ZNF2: variants seen among roughly 807,000 people sequenced by gnomAD.
ZNF2 encodes the protein zinc finger protein 2.
ZNF2 carries 12 observed loss-of-function variants against 21.9 expected under a neutral mutation model. The ratio of observed to expected loss-of-function variants is 0.55; its 90% confidence interval spans 0.35 to 0.89. The LOEUF (loss-of-function observed/expected upper bound fraction) is 0.89. Ranked by LOEUF, ZNF2 falls within the 40% of genes least tolerant of loss-of-function variation. The pLI is 0.01. For synonymous variants in ZNF2, 186 were observed against 196.3 expected, an observed-to-expected ratio of 0.95 and a Z score of 0.44; for missense variants, 462 against 544.2, an observed-to-expected ratio of 0.85 and a Z score of 1.50.
Position 95,172,577 on chromosome 2 carries a change from G to A in ZNF2, c.-39-3611G>A, listed in dbSNP as rs1387183265. The stretch of plus-strand genomic sequence containing the variant: ...TTTTTCCTTTTTCTATACATAATGT[G>A]CATGTACAAATATGTAATTTTAAAA... On this transcript the variant is annotated intron_variant, in intron 1 of 4. Transcript: ENST00000614034. Among the ~76,000 whole-genome samples the A allele has an allele frequency of 2.0e-5, 3 of 151,110 alleles. No individual in the cohort carries two copies. In the East Asian group the frequency reaches 5.8e-4, roughly 29 times the overall value.
At chr2:95,173,141 T>G (rs924824989) in intron 1 of ZNF2, among the ~76,000 whole-genome samples, 15 of 152,214 alleles carry the variant, frequency 9.9e-5, no homozygotes, top group African/African-American at 3.6e-4. Flanking sequence ...TTTATGTAAA[T>G]ATTATACAGT....
intron 1 of ZNF2, among the ~76,000 whole-genome samples, chr2:95,171,314 G>A (rs192925906): frequency 4.3e-4 from 65 of 151,476 alleles, no homozygotes; most frequent in Admixed American, 3.2e-3. Flanking sequence ...TAACCCGGGC[G>A]TCATCTTTGC....
rs1421662108 is a variant in ZNF2 at position 95,181,516 on chromosome 2, G to A, written c.688G>A (p.Glu230Lys). Residue 230 changes from glutamate to lysine, a missense_variant, in exon 5 of 5, where the codon GAG (glutamate) becomes AAG (lysine). Coordinates refer to ENST00000614034, the MANE Select transcript of ZNF2 (RefSeq NM_021088.4). ...LMSHTGESPYECSVCSKAFFD... is the reference protein window; with the variant it reads ...LMSHTGESPYKCSVCSKAFFD... ...GTCACACACTGGGGAGAGCCCCTACGAGTGCAGTGTGTGCTCAAAAGCCTT... is the reference window on the plus strand; with the variant it reads ...GTCACACACTGGGGAGAGCCCCTACAAGTGCAGTGTGTGCTCAAAAGCCTT... 7 of 1,614,060 alleles carry A rather than the reference G, an allele frequency of 4.3e-6. No homozygotes were observed. In the Admixed American group the frequency reaches 5.0e-5, roughly 12 times the overall value.
intron 1 of ZNF2, among the ~76,000 whole-genome samples, chr2:95,172,248 T>C (rs183727651): frequency 6.6e-6 from 1 of 152,332 alleles, no homozygotes; most frequent in East Asian, 1.9e-4. Flanking sequence ...ATAAACGACA[T>C]TGTTTGCACA....
At position 95,182,160 on chromosome 2, in the gene ZNF2, C is replaced by T. The variant is rs1674697503; in HGVS notation, c.*54C>T. 6.5e-7 allele frequency: 1 copy of T among 1,539,868 alleles called. No homozygotes were observed. Among genetic ancestry groups the T allele is most frequent in the South Asian group, 1.3e-5 (1 of 77,946 alleles). On this transcript the variant is annotated 3_prime_UTR_variant, in exon 5 of 5. Coordinates refer to ENST00000614034, the MANE Select transcript of ZNF2 (RefSeq NM_021088.4). Reference sequence around the variant, plus strand: ...ACTTCCATACAAATTTGAGATAGATCTCGCCTGTCTTAAAGCTGCCATTTG... The same window carrying T: ...ACTTCCATACAAATTTGAGATAGATTTCGCCTGTCTTAAAGCTGCCATTTG...
chr2:95,167,575 C>T (rs146224706), intron 1 of ZNF2, among the ~76,000 whole-genome samples: 2,465 of 149,648 alleles, frequency 0.016, 34 homozygotes, highest in Middle Eastern at 0.033. Context: ...AGGCCAGGTG[C>T]GGTAGCTCAT....
chr2:95,176,204 A>G lies in ZNF2; in HGVS notation c.-23A>G. ...CCTCATTAGGACTCTGCCCTTGTCC[A>G]CAAGGAGAGCACACAGGAGAGAATG... On this transcript the variant is annotated 5_prime_UTR_variant, in exon 2 of 5. Transcript: ENST00000614034. The G allele has an allele frequency of 1.2e-6, 2 of 1,614,108 alleles. No individual in the cohort carries two copies. The highest frequency in any genetic ancestry group is 1.7e-6 in the Non-Finnish European group (2 of 1,180,016).
chr2:95,180,635 C>A (rs1233310122), intron 4 of ZNF2, among the ~76,000 whole-genome samples: 1 of 152,042 alleles, frequency 6.6e-6, no homozygotes, highest in Non-Finnish European at 1.5e-5. Context: ...CTCAGCCTCC[C>A]AAGTAGCTGG....
Position 95,176,245 on chromosome 2 carries a change from A to G in ZNF2, c.19A>G (p.Thr7Ala), listed in dbSNP as rs1319599921. Residue 7 changes from threonine to alanine, a missense_variant, in exon 2 of 5, where the codon ACC becomes GCC. Thr to Ala is a moderately conservative substitution (Grantham distance 58, BLOSUM62 0). Transcript: ENST00000614034. Reference sequence around the variant, plus strand: ...GGAGAGAATGGCTGCTGTGTCTCCGACCACCAGATGCCAGGTGAGGTGGAC... The same window carrying G: ...GGAGAGAATGGCTGCTGTGTCTCCGGCCACCAGATGCCAGGTGAGGTGGAC... MAAVSP[T>A]TRCQESVTFE... 1 of 1,614,034 alleles carries G rather than the reference A, an allele frequency of 6.2e-7. No homozygotes were observed. The highest frequency in any genetic ancestry group is 1.1e-5 in the South Asian group (1 of 91,070).
chr2:95,182,780 T>C lies in ZNF2; in HGVS notation c.*674T>C, dbSNP rs1674723020. 6.6e-6 allele frequency: 1 copy of C among 152,664 alleles called. No homozygotes were observed. 9.5% of individuals were successfully genotyped at this position (152,664 alleles called of 1,614,324 possible). ...AGCTGGTAAAAGGTGATGCCAGGTC[T>C]TGAAGACAGGTCCACCTTCAAAATC... On this transcript the variant is annotated 3_prime_UTR_variant, in exon 5 of 5. Transcript: ENST00000614034.
intron 1 of ZNF2, among the ~76,000 whole-genome samples, chr2:95,167,505 CAAAAAAAAAAAA>C (rs756206050): frequency 1.1e-4 from 5 of 44,950 alleles, no homozygotes; most frequent in Non-Finnish European, 1.9e-4. Flanking sequence ...GACTCAGTCT[CAAAAAAAAAAAA>C]AAAAAAAAAG....
At chr2:95,178,141 C>T (rs971471663) in intron 3 of ZNF2, among the ~76,000 whole-genome samples, 2 of 152,138 alleles carry the variant, frequency 1.3e-5, no homozygotes, top group African/African-American at 2.4e-5. Flanking sequence ...ACAGAAGACA[C>T]TTTGTAATTA....
In ZNF2 at chr2:95,166,923, A is replaced by T. The variant is rs1400721923; in HGVS notation, c.-40+1063A>T. 2.0e-5 allele frequency among the ~76,000 whole-genome samples: 3 copies of T among 152,346 alleles called. No homozygotes were observed. In the East Asian group the frequency reaches 5.8e-4, roughly 29 times the overall value. ...CAGGATGAGTCTGGAAGAATGCAAT[A>T]CAGTTGTATTGTAAAATTACAATAC... On this transcript the variant is annotated intron_variant, in intron 1 of 4. Transcript: ENST00000614034.
chr2:95,174,562 C>G (rs1674379749), intron 1 of ZNF2, among the ~76,000 whole-genome samples: 1 of 152,078 alleles, frequency 6.6e-6, no homozygotes, highest in Non-Finnish European at 1.5e-5. Context: ...GTTTTTTTCT[C>G]AAGATTTAGA....
rs571301464 is a variant in ZNF2 at position 95,183,085 on chromosome 2, G to A, written c.*979G>A. ...TCATCCCCAGCTCCCACTCCTGGCA[G>A]CAGTAGCTTTCTAATTCCAGTTCTT... On this transcript the variant is annotated 3_prime_UTR_variant, in exon 5 of 5. Transcript: ENST00000614034. 6.6e-6 allele frequency: 1 copy of A among 152,254 alleles called. No homozygotes were observed. The highest frequency in any genetic ancestry group is 2.4e-5 in the African/African-American group (1 of 41,472). 9.4% of individuals were successfully genotyped at this position (152,254 alleles called of 1,614,324 possible). A position where few individuals can be genotyped will look rare whatever the true frequency, so the allele number is the denominator to read the frequency against.
At chr2:95,179,475 C>G (rs1037996035) in intron 3 of ZNF2, among the ~76,000 whole-genome samples, 2 of 152,158 alleles carry the variant, frequency 1.3e-5, no homozygotes, top group Non-Finnish European at 2.9e-5. Flanking sequence ...AACAAATAAA[C>G]AAAAATGGGC....
In ZNF2 at chr2:95,181,194, T is replaced by C; in HGVS notation, c.366T>C (p.Cys122=). The C allele has an allele frequency of 6.2e-7, 1 of 1,614,182 alleles. No individual in the cohort carries two copies. Among genetic ancestry groups the C allele is most frequent in the African/African-American group, 1.3e-5 (1 of 75,042 alleles). Residue 122 remains cysteine (C), a synonymous_variant, in exon 5 of 5, where the codon TGT becomes TGC. Coordinates refer to ENST00000614034, the MANE Select transcript of ZNF2 (RefSeq NM_021088.4). ...RECLGRQSPL[C]PKFEVHTPNG... Reference sequence around the variant, plus strand: ...GCCTTGGAAGGCAAAGTCCTCTGTGTCCTAAATTTGAAGTTCATACACCCA... The same window carrying C: ...GCCTTGGAAGGCAAAGTCCTCTGTGCCCTAAATTTGAAGTTCATACACCCA...
At position 95,182,099 on chromosome 2, in the gene ZNF2, T is replaced by G. The variant is rs779780805; in HGVS notation, c.1271T>G (p.Ile424Arg). The change falls in exon 5 of 5, where the codon ATA becomes AGA. Residue 424 changes from isoleucine (I) to arginine (R), a missense_variant. Coordinates refer to ENST00000614034, the MANE Select transcript of ZNF2 (RefSeq NM_021088.4). ...QHQRRYAKQG[I>R]D The stretch of plus-strand genomic sequence containing the variant: ...CAACGGCGTTACGCCAAACAGGGAA[T>G]AGACTGAGTTGGGCAAAAGCTTGGG... 1.0e-5 allele frequency: 16 copies of G among 1,596,496 alleles called. No homozygotes were observed. The South Asian group carries it at 1.7e-4, about 17-fold the overall frequency.
At chr2:95,168,295 C>T (rs760464899) in intron 1 of ZNF2, among the ~76,000 whole-genome samples, 2 of 151,884 alleles carry the variant, frequency 1.3e-5, no homozygotes, top group Non-Finnish European at 2.9e-5. Context: ...CATGGTGGCC[C>T]GCGCCTGTAG....
Sources: allele counts gnomAD v4.1 joint callset (sites outside exome capture counted in the v4.1 genomes callset), GRCh38; gene constraint gnomAD v4.1.1; transcripts MANE v1.5; gene names NCBI Gene and HGNC (gene_info 2026-07-23, HGNC 2026-07-21).